The following PHLPP1 variants were observed in gnomAD, a reference collection of about 807,000 sequenced individuals.
The protein encoded by PHLPP1 is PH domain leucine-rich repeat-containing protein phosphatase 1.
Under a neutral mutation model 117.2 loss-of-function variants are expected in PHLPP1, and 42 were observed. That is an observed-to-expected ratio of 0.36 (90% CI 0.28 to 0.46). The LOEUF (loss-of-function observed/expected upper bound fraction) is 0.46. PHLPP1 is among the 20% of genes least tolerant of loss of function. The pLI, the probability that PHLPP1 is intolerant of heterozygous loss-of-function variation, is 1.00. For synonymous variants in PHLPP1, 1,042 were observed against 970.7 expected, an observed-to-expected ratio of 1.07 and a Z score of -1.37; for missense variants, 2,084 against 2,241.9, an observed-to-expected ratio of 0.93 and a Z score of 1.42.
chr18:62,787,451 A>G (rs1403914099), intron 1 of PHLPP1, among the ~76,000 whole-genome samples: 3 of 152,178 alleles, frequency 2.0e-5, no homozygotes, highest in African/African-American at 4.8e-5. Flanking sequence ...TAGAGGCTTG[A>G]GCCACCGTGC....
chr18:62,715,956 G>C lies in PHLPP1; in HGVS notation c.273G>C (p.Gly91=). The C allele has an allele frequency of 8.3e-7, 1 of 1,200,432 alleles. No homozygotes were observed. The highest frequency in any genetic ancestry group is 1.0e-6 in the Non-Finnish European group (1 of 967,824). 74.4% of individuals were successfully genotyped at this position (1,200,432 alleles called of 1,614,324 possible). Residue 91 remains glycine (G), a synonymous_variant, in exon 1 of 17, where the codon GGG becomes GGC. Transcript: ENST00000262719. ...GPLPGRAGGA[G]RRRRRGAPQP... ...TGCCGGGCAGAGCGGGGGGTGCCGGGCGCAGGAGGCGGCGCGGGGCGCCCC... is the reference window on the plus strand; with the variant it reads ...TGCCGGGCAGAGCGGGGGGTGCCGGCCGCAGGAGGCGGCGCGGGGCGCCCC...
At chr18:62,780,466 T>C (rs1330708488) in intron 1 of PHLPP1, among the ~76,000 whole-genome samples, 1 of 152,244 alleles carries the variant, frequency 6.6e-6, no homozygotes, top group Non-Finnish European at 1.5e-5. Flanking sequence ...TGTGTCCTAC[T>C]TTAGCACATC....
intron 1 of PHLPP1, among the ~76,000 whole-genome samples, chr18:62,795,370 C>T (rs569180091): frequency 1.1e-3 from 163 of 150,954 alleles, no homozygotes; most frequent in Non-Finnish European, 1.8e-3. Context: ...CCCAGCTACT[C>T]GGGAGGCTGA....
intron 4 of PHLPP1, among the ~76,000 whole-genome samples, chr18:62,888,336 TG>T (rs71340126): frequency 0.071 from 9,070 of 127,828 alleles, 403 homozygotes; most frequent in Non-Finnish European, 0.11. Context: ...TGTGTGTGTA[TG>T]TTTTTTTTTT....
At chr18:62,822,265 GTT>G (rs56800588) in intron 1 of PHLPP1, among the ~76,000 whole-genome samples, 1 of 116,174 alleles carries the variant, frequency 8.6e-6, no homozygotes. Flanking sequence ...AGAAAATAGT[GTT>G]TTTTTTTTTT....
chr18:62,871,450 C>G (rs750527038), intron 4 of PHLPP1, among the ~76,000 whole-genome samples: 43 of 151,932 alleles, frequency 2.8e-4, no homozygotes, highest in Non-Finnish European at 5.7e-4. Flanking sequence ...GCCTCAGCCT[C>G]CCAAGTAACT....
intron 3 of PHLPP1, among the ~76,000 whole-genome samples, chr18:62,857,432 C>T (rs919625887): frequency 1.3e-5 from 2 of 152,122 alleles, no homozygotes; most frequent in Non-Finnish European, 2.9e-5. Flanking sequence ...ATATGTAAAT[C>T]CCAGAGAAGT....
chr18:62,743,848 A>G (rs1439972117), intron 1 of PHLPP1, among the ~76,000 whole-genome samples: 2 of 151,722 alleles, frequency 1.3e-5, no homozygotes, highest in Non-Finnish European at 2.9e-5. Context: ...AGAGTTTCTC[A>G]CAGGGTGAGT....
At position 62,849,814 on chromosome 18, in the gene PHLPP1, A is replaced by T. The variant is rs1357308560; in HGVS notation, c.1900-10621A>T. Among the ~76,000 whole-genome samples, 152 of 45,142 alleles carry T rather than the reference A, an allele frequency of 3.4e-3. 2 individuals are homozygous for T. Among genetic ancestry groups the T allele is most frequent in the African/African-American group, 0.013 (145 of 11,350 alleles). The allele number at this position is 45,142 out of a possible 152,430, so 29.6% of individuals were successfully genotyped here. Reference sequence around the variant, plus strand: ...TGTCTCTACAAAAAAAAAAAAAAAAAAAAAAAAAAAAAAAAAAAATATATA... The same window carrying T: ...TGTCTCTACAAAAAAAAAAAAAAAATAAAAAAAAAAAAAAAAAAATATATA... On this transcript the variant is annotated intron_variant, in intron 3 of 16. Coordinates refer to ENST00000262719, the MANE Select transcript of PHLPP1 (RefSeq NM_194449.4).
chr18:62,717,672 A>T (rs141185234), intron 1 of PHLPP1, among the ~76,000 whole-genome samples: 2 of 152,188 alleles, frequency 1.3e-5, no homozygotes, highest in Non-Finnish European at 2.9e-5. Context: ...GCTCTATCAC[A>T]CTTTTGCCTG....
At chr18:62,804,320 T>G (rs1458618741) in intron 1 of PHLPP1, among the ~76,000 whole-genome samples, 1 of 152,032 alleles carries the variant, frequency 6.6e-6, no homozygotes, top group Non-Finnish European at 1.5e-5. Context: ...ATGATGAGAT[T>G]TGGGTGGGGA....
intron 2 of PHLPP1, 141 bp downstream of exon 2, chr18:62,830,372 G>T: frequency 1.6e-6 from 1 of 639,628 alleles, no homozygotes; most frequent in African/African-American, 1.8e-5. Flanking sequence ...AGGATTACAG[G>T]CGTGCACCAC....
At chr18:62,871,026 T>A (rs990696410) in intron 4 of PHLPP1, among the ~76,000 whole-genome samples, 52 of 152,172 alleles carry the variant, frequency 3.4e-4, no homozygotes, top group Non-Finnish European at 5.9e-5. Flanking sequence ...CTTTTATTAA[T>A]AGTGCTTCAT....
Position 62,715,585 on chromosome 18 carries a change from C to A in PHLPP1, c.-99C>A. 2 of 729,826 alleles carry A rather than the reference C, an allele frequency of 2.7e-6. No homozygotes were observed. The highest frequency in any genetic ancestry group is 1.8e-5 in the African/African-American group (1 of 54,722). The allele number at this position is 729,826 out of a possible 1,614,324, so 45.2% of individuals were successfully genotyped here. A position where few individuals can be genotyped will look rare whatever the true frequency, so the allele number is the denominator to read the frequency against. ...CGCGCACAACGCCATTGGCTTCTCC[C>A]TTCTCCGCGCGCCGCCGCCGTCTCC... On this transcript the variant is annotated 5_prime_UTR_variant, in exon 1 of 17. Coordinates refer to ENST00000262719, the MANE Select transcript of PHLPP1 (RefSeq NM_194449.4).
At chr18:62,800,081 C>T (rs1025797460) in intron 1 of PHLPP1, among the ~76,000 whole-genome samples, 1 of 152,160 alleles carries the variant, frequency 6.6e-6, no homozygotes, top group African/African-American at 2.4e-5. Context: ...CTAGAGCTGA[C>T]TGCACCTTGA....
intron 1 of PHLPP1, among the ~76,000 whole-genome samples, chr18:62,776,482 A>G (rs1469267696): frequency 6.6e-6 from 1 of 152,208 alleles, no homozygotes; most frequent in Non-Finnish European, 1.5e-5. Flanking sequence ...ACTGTATCTT[A>G]GCCAAGTTGA....
At chr18:62,867,551 T>C (rs1915799554) in intron 4 of PHLPP1, among the ~76,000 whole-genome samples, 4 of 152,222 alleles carry the variant, frequency 2.6e-5, no homozygotes, top group Admixed American at 2.6e-4. Context: ...TGTATACTTT[T>C]CTTTTTCCCC....
chr18:62,946,800 T>C (rs1020209482), intron 12 of PHLPP1, among the ~76,000 whole-genome samples: 1 of 152,036 alleles, frequency 6.6e-6, no homozygotes, highest in African/African-American at 2.4e-5. Flanking sequence ...ACGCCGGTAA[T>C]CCCAGCACTT....
At chr18:62,752,980 A>G (rs1356267390) in intron 1 of PHLPP1, among the ~76,000 whole-genome samples, 1 of 152,252 alleles carries the variant, frequency 6.6e-6, no homozygotes, top group South Asian at 2.1e-4. Flanking sequence ...TACTACTGTG[A>G]CATACATTTA....
Sources: allele counts gnomAD v4.1 joint callset (sites outside exome capture counted in the v4.1 genomes callset), GRCh38; gene constraint gnomAD v4.1.1; transcripts MANE v1.5; gene names NCBI Gene and HGNC (gene_info 2026-07-23, HGNC 2026-07-21).